SOX30: variants seen among roughly 807,000 people sequenced by gnomAD.
SOX30 encodes SRY-box transcription factor 30, also known as transcription factor SOX-30.
In SOX30, 17 loss-of-function variants were observed where a neutral mutation model predicts 58.6. The ratio of observed to expected loss-of-function variants is 0.29; its 90% CI spans 0.20 to 0.44. SOX30 has a LOEUF of 0.44. SOX30 is among the 20% of genes least tolerant of loss of function. The pLI is 1.00. For missense variants in SOX30, 951 were observed against 965.8 expected (o/e 0.98, Z 0.20); for synonymous variants, 421 against 400.2 (o/e 1.05, Z -0.62).
At chr5:157,661,309 T>C (rs1399396337) in intron 2 of SOX30, among the ~76,000 whole-genome samples, 2 of 152,246 alleles carry the variant, frequency 1.3e-5, no homozygotes, top group Non-Finnish European at 2.9e-5. Context: ...AGTTTCCTTC[T>C]ATTCCTAGTT....
intron 1 of SOX30, among the ~76,000 whole-genome samples, chr5:157,650,750 T>C (rs568903598): frequency 6.6e-6 from 1 of 152,232 alleles, no homozygotes; most frequent in Non-Finnish European, 1.5e-5. Context: ...TCTTGATACA[T>C]ATAAAAGTAC....
chr5:157,643,985 T>G (rs567735047), intron 3 of SOX30, among the ~76,000 whole-genome samples: 2 of 152,234 alleles, frequency 1.3e-5, no homozygotes, highest in East Asian at 3.9e-4. Flanking sequence ...CTCTAAATAA[T>G]ATAAAGCCAA....
chr5:157,657,900 C>G (rs1759506538), intron 2 of SOX30, among the ~76,000 whole-genome samples: 5 of 152,224 alleles, frequency 3.3e-5, no homozygotes, highest in Admixed American at 3.3e-4. Flanking sequence ...ACTGGAATGG[C>G]ACGTTTTCCT....
At chr5:157,646,532 T>C (rs1236333142) in intron 3 of SOX30, 105 bp downstream of exon 3, 1 of 809,782 alleles carries the variant, frequency 1.2e-6, no homozygotes, top group Non-Finnish European at 1.9e-6. Flanking sequence ...TTCTTAACAT[T>C]GTTGTTCCAA....
Position 157,626,233 on chromosome 5 carries a change from G to A in SOX30, c.*107C>T, listed in dbSNP as rs189585541. 4.9e-5 allele frequency: 51 copies of A among 1,041,410 alleles called. No homozygotes were observed. In the African/African-American group the frequency reaches 6.5e-4, roughly 13 times the overall value. 64.5% of individuals were successfully genotyped at this position (1,041,410 alleles called of 1,614,324 possible). A position where few individuals can be genotyped will look rare whatever the true frequency, so the allele number is the denominator to read the frequency against. ...ATTTGGTTTTAACTCCTCAAATCAC[G>A]ACTGAAAACTTTCAACAAAGAATTC... On this transcript the variant is annotated 3_prime_UTR_variant, in exon 5 of 5. Transcript: ENST00000265007.
intron 3 of SOX30, among the ~76,000 whole-genome samples, chr5:157,642,302 T>G (rs1759082765): frequency 1.5e-5 from 2 of 136,082 alleles, no homozygotes; most frequent in South Asian, 4.7e-4. Context: ...GGAGACAGAG[T>G]AAGATTCCCT....
At chr5:157,666,707 G>T (rs1290094500) in intron 2 of SOX30, among the ~76,000 whole-genome samples, 1 of 152,018 alleles carries the variant, frequency 6.6e-6, no homozygotes, top group African/African-American at 2.4e-5. Context: ...TATGGATGAG[G>T]TTTTTTGTTT....
At chr5:157,649,814 C>G (rs1759284838) in intron 1 of SOX30, among the ~76,000 whole-genome samples, 1 of 152,062 alleles carries the variant, frequency 6.6e-6, no homozygotes, top group South Asian at 2.1e-4. Context: ...TTGAAAGTCA[C>G]AGAAGGCAGG....
chr5:157,669,484 A>T (rs1262433606), intron 1 of SOX30, among the ~76,000 whole-genome samples: 2 of 117,182 alleles, frequency 1.7e-5, no homozygotes, highest in African/African-American at 6.7e-5. Flanking sequence ...CGCGCCCATC[A>T]ATTTTATTTA....
intron 3 of SOX30, among the ~76,000 whole-genome samples, chr5:157,639,865 TCTC>T (rs1441367199): frequency 6.6e-6 from 1 of 152,214 alleles, no homozygotes; most frequent in Non-Finnish European, 1.5e-5. Context: ...GTGACTTCCC[TCTC>T]CTTTCTTTTC....
chr5:157,641,379 G>A (rs750616390), intron 3 of SOX30, among the ~76,000 whole-genome samples: 22 of 152,280 alleles, frequency 1.4e-4, no homozygotes, highest in African/African-American at 4.3e-4. Context: ...TTGGGAGGCC[G>A]AGGCAGGTAG....
chr5:157,630,859 ATT>A (rs1201715114), intron 4 of SOX30, among the ~76,000 whole-genome samples: 42 of 120,474 alleles, frequency 3.5e-4, no homozygotes, highest in African/African-American at 1.7e-3. Context: ...TATATTATAT[ATT>A]TTTATATATA....
chr5:157,648,176 C>T (rs1392830965), intron 2 of SOX30, among the ~76,000 whole-genome samples: 1 of 152,170 alleles, frequency 6.6e-6, no homozygotes, highest in East Asian at 1.9e-4. Flanking sequence ...ACTCCTTTCA[C>T]ACTATATCAT....
intron 4 of SOX30, among the ~76,000 whole-genome samples, chr5:157,628,158 A>T (rs569447880): frequency 5.7e-4 from 87 of 152,166 alleles, no homozygotes; most frequent in African/African-American, 1.5e-3. Flanking sequence ...TCAAAAAAAA[A>T]TTTTTTTAAA....
rs779751091 is a variant in SOX30 at position 157,652,141 on chromosome 5, C to G, written c.-63G>C. 53 of 1,381,628 alleles carry G rather than the reference C, an allele frequency of 3.8e-5. No homozygotes were observed. Among genetic ancestry groups the G allele is most frequent in the Non-Finnish European group, 4.6e-5 (50 of 1,076,296 alleles). The allele number at this position is 1,381,628 out of a possible 1,614,324, so 85.6% of individuals were successfully genotyped here. On this transcript the variant is annotated 5_prime_UTR_variant, in exon 1 of 5. Coordinates refer to ENST00000265007, the MANE Select transcript of SOX30 (RefSeq NM_178424.2). ...GCCGTTTGTTGGCGACCTTCCCCCT[C>G]CCCCTTTCGGTTAAGAGCCTTGCAA... is the stretch of plus-strand genomic sequence containing the variant.
intron 4 of SOX30, among the ~76,000 whole-genome samples, chr5:157,633,950 T>C (rs545748700): frequency 6.6e-6 from 1 of 152,244 alleles, no homozygotes; most frequent in East Asian, 1.9e-4. Flanking sequence ...CCCAATATAC[T>C]GCAAGAAGAA....
chr5:157,625,884 G>C lies in SOX30; in HGVS notation c.*456C>G, dbSNP rs1322692181. On this transcript the variant is annotated 3_prime_UTR_variant, in exon 5 of 5. Coordinates refer to ENST00000265007, the MANE Select transcript of SOX30 (RefSeq NM_178424.2). Reference sequence around the variant, plus strand: ...TTAGCAACCAAGTCCAAGTTCACTAGGAGTTGTCAAAATACTTTCAAAATG... The same window carrying C: ...TTAGCAACCAAGTCCAAGTTCACTACGAGTTGTCAAAATACTTTCAAAATG... The C allele has an allele frequency of 6.5e-6, 1 of 152,890 alleles. No homozygotes were observed. The highest frequency in any genetic ancestry group is 1.5e-5 in the Non-Finnish European group (1 of 68,258). The allele number at this position is 152,890 out of a possible 1,614,324, so 9.5% of individuals were successfully genotyped here.
chr5:157,658,264 G>A (rs533141703), intron 2 of SOX30, among the ~76,000 whole-genome samples: 1 of 152,274 alleles, frequency 6.6e-6, no homozygotes, highest in Non-Finnish European at 1.5e-5. Flanking sequence ...TTATAGTAAA[G>A]CAAATCAGTC....
chr5:157,661,658 A>G (rs183807362), intron 2 of SOX30, among the ~76,000 whole-genome samples: 179 of 152,362 alleles, frequency 1.2e-3, no homozygotes, highest in African/African-American at 4.2e-3. Context: ...TTCTATTAAT[A>G]TATGTATTAC....
Sources: gnomAD v4.1 joint callset for allele counts (sites outside exome capture counted in the v4.1 genomes callset) on GRCh38, gnomAD v4.1.1 for gene constraint, MANE v1.5 for transcripts, NCBI Gene and HGNC (gene_info 2026-07-23, HGNC 2026-07-21) for gene names.